Variants in DCC observed in about 807,000 individuals in gnomAD.
The protein encoded by DCC is netrin receptor DCC.
Under a neutral mutation model 172.5 loss-of-function variants are expected in DCC, and 58 were observed. The ratio of observed to expected loss-of-function variants is 0.34; its 90% CI spans 0.27 to 0.42. The LOEUF (loss-of-function observed/expected upper bound fraction) is 0.42, where lower values mean the gene tolerates loss of function less well. DCC is among the 10% of genes least tolerant of loss of function. The pLI is 1.00. For synonymous variants in DCC, 709 were observed against 644.5 expected, an observed-to-expected ratio of 1.10 and a Z score of -1.52; for missense variants, 1,740 against 1,791.0, an observed-to-expected ratio of 0.97 and a Z score of 0.51.
intron 1 of DCC, among the ~76,000 whole-genome samples, chr18:52,414,353 G>C (rs566510893): frequency 6.6e-6 from 1 of 152,102 alleles, no homozygotes; most frequent in African/African-American, 2.4e-5. Flanking sequence ...CAAAGTGCTG[G>C]GATTACAGGC....
At chr18:52,678,528 G>A (rs1207219877) in intron 1 of DCC, among the ~76,000 whole-genome samples, 1 of 152,120 alleles carries the variant, frequency 6.6e-6, no homozygotes. Flanking sequence ...TTTATTTGCA[G>A]GTCAGCTGTG....
intron 1 of DCC, among the ~76,000 whole-genome samples, chr18:52,645,763 C>T (rs573510769): frequency 1.3e-5 from 2 of 152,292 alleles, no homozygotes; most frequent in Admixed American, 6.5e-5. Flanking sequence ...GAGTTCTAGA[C>T]ATGGAATGAG....
chr18:52,826,339 A>G (rs754829355), intron 2 of DCC, among the ~76,000 whole-genome samples: 4 of 152,188 alleles, frequency 2.6e-5, no homozygotes, highest in Non-Finnish European at 2.9e-5. Flanking sequence ...ACGGAGGAAA[A>G]TAAGTCCCAC....
At chr18:52,639,536 T>C (rs2034849560) in intron 1 of DCC, among the ~76,000 whole-genome samples, 1 of 152,036 alleles carries the variant, frequency 6.6e-6, no homozygotes, top group African/African-American at 2.4e-5. Flanking sequence ...AACACCTTTA[T>C]GCACATAAAC....
intron 2 of DCC, among the ~76,000 whole-genome samples, chr18:52,760,635 G>A (rs1250371190): frequency 1.3e-5 from 2 of 152,062 alleles, no homozygotes; most frequent in Non-Finnish European, 2.9e-5. Flanking sequence ...AAATAATGAT[G>A]GATAATAACT....
At chr18:53,265,051 C>T (rs531055112) in intron 12 of DCC, among the ~76,000 whole-genome samples, 7 of 152,228 alleles carry the variant, frequency 4.6e-5, no homozygotes, top group South Asian at 2.1e-4. Flanking sequence ...TGAAAGCAAC[C>T]GTACACTTTT....
intron 5 of DCC, among the ~76,000 whole-genome samples, chr18:52,929,643 G>A (rs1188552553): frequency 6.6e-6 from 1 of 151,998 alleles, no homozygotes; most frequent in African/African-American, 2.4e-5. Context: ...TTTTTTTACT[G>A]TAACTTCTTG....
At chr18:53,042,814 T>C (rs1004453296) in intron 5 of DCC, among the ~76,000 whole-genome samples, 1 of 151,898 alleles carries the variant, frequency 6.6e-6, no homozygotes, top group Non-Finnish European at 1.5e-5. Context: ...AAACAACATA[T>C]GCTGGAGAAG....
chr18:52,498,210 G>A (rs552138931), intron 1 of DCC, among the ~76,000 whole-genome samples: 9 of 152,150 alleles, frequency 5.9e-5, no homozygotes, highest in Non-Finnish European at 1.2e-4. Context: ...GACCTAGTTT[G>A]CTGACTCCTA....
At chr18:52,926,972 T>TAC (rs561591706) in intron 5 of DCC, among the ~76,000 whole-genome samples, 18 of 142,582 alleles carry the variant, frequency 1.3e-4, no homozygotes, top group African/African-American at 1.8e-4. Flanking sequence ...TGGATATATA[T>TAC]ACATATATAT....
At chr18:53,154,788 G>A (rs529897362) in intron 7 of DCC, among the ~76,000 whole-genome samples, 2 of 152,304 alleles carry the variant, frequency 1.3e-5, no homozygotes, top group African/African-American at 4.8e-5. Flanking sequence ...TATCACCCAG[G>A]AGGAGAAGCA....
At chr18:52,464,618 G>A (rs1037016662) in intron 1 of DCC, among the ~76,000 whole-genome samples, 1 of 152,168 alleles carries the variant, frequency 6.6e-6, no homozygotes, top group African/African-American at 2.4e-5. Context: ...AGCATCAGAA[G>A]GTGCTCAGAT....
At chr18:52,474,222 GAGAGAGAGAGAGAGAGAGAGAA>G (rs1037950309) in intron 1 of DCC, among the ~76,000 whole-genome samples, 8 of 122,484 alleles carry the variant, frequency 6.5e-5, no homozygotes, top group Non-Finnish European at 1.1e-4. Context: ...GAGAGAGAGA[GAGAGAGAGAGAGAGAGAGAGAA>G]AGAGAGAGAA....
At chr18:52,431,203 C>T (rs1474482014) in intron 1 of DCC, among the ~76,000 whole-genome samples, 1 of 152,090 alleles carries the variant, frequency 6.6e-6, no homozygotes, top group African/African-American at 2.4e-5. Context: ...ACCCAGCAAG[C>T]TGCACTTTTA....
intron 12 of DCC, among the ~76,000 whole-genome samples, chr18:53,301,793 T>C (rs1165226793): frequency 6.6e-6 from 1 of 152,228 alleles, no homozygotes; most frequent in Non-Finnish European, 1.5e-5. Flanking sequence ...CTCTTTTTTC[T>C]ACTGCTGCTT....
chr18:53,351,301 ATATATATATATATACACTG>A (rs2057791548), intron 15 of DCC, among the ~76,000 whole-genome samples: 1 of 29,546 alleles, frequency 3.4e-5, no homozygotes, highest in East Asian at 1.1e-3. Context: ...GTATATATAT[ATATATATATATATACACTG>A]TATATATATA....
chr18:52,416,798 G>A (rs1987048288), intron 1 of DCC, among the ~76,000 whole-genome samples: 1 of 152,050 alleles, frequency 6.6e-6, no homozygotes, highest in Admixed American at 6.6e-5. Flanking sequence ...CCTGAATACA[G>A]CACACGATGG....
chr18:53,230,991 T>G (rs9949095), intron 12 of DCC, among the ~76,000 whole-genome samples: 47 of 65,692 alleles, frequency 7.2e-4, no homozygotes, highest in African/African-American at 1.9e-3. Flanking sequence ...AAAATTGGTG[T>G]TTTTTTTTCT....
rs1472558778 is a variant in DCC at position 52,900,347 on chromosome 18, AT to A, written c.413-5696del. On this transcript the variant is annotated intron_variant, in intron 2 of 28. Coordinates refer to ENST00000442544, the MANE Select transcript of DCC (RefSeq NM_005215.4). ...AGTAGACTCCTAATGAATCCTTTTA[AT>A]GTTAAAATTAGTGTTACAGAACAAT... 7.8e-4 allele frequency among the ~76,000 whole-genome samples: 119 copies of A among 152,188 alleles called. 1 individual carries two copies. The highest frequency in any genetic ancestry group is 1.9e-4 in the Non-Finnish European group (13 of 68,028).
Sources: gnomAD v4.1 joint callset for allele counts (sites outside exome capture counted in the v4.1 genomes callset) on GRCh38, gnomAD v4.1.1 for gene constraint, MANE v1.5 for transcripts, NCBI Gene and HGNC (gene_info 2026-07-23, HGNC 2026-07-21) for gene names.